TFDP1: variants seen among roughly 807,000 people sequenced by gnomAD.
TFDP1 encodes DRTF1-polypeptide 1.
In TFDP1, 6 loss-of-function variants were observed where a neutral mutation model predicts 48.0. That is an observed-to-expected ratio of 0.13 (90% CI 0.07 to 0.25). TFDP1 has a LOEUF of 0.25. Among genes scored for constraint, TFDP1 ranks in the 10% least tolerant of loss-of-function variants. The pLI, the probability that TFDP1 is intolerant of heterozygous loss-of-function variation, is 1.00. For missense variants in TFDP1, 335 were observed against 543.0 expected (o/e 0.62, Z 3.81); for synonymous variants, 201 against 211.6 (o/e 0.95, Z 0.44).
chr13:113,626,480 C>T (rs4150759), intron 4 of TFDP1, among the ~76,000 whole-genome samples: 10,234 of 152,114 alleles, frequency 0.067, 940 homozygotes, highest in African/African-American at 0.21. Context: ...TTGCCTTCCC[C>T]GCGCTCCCTT....
Position 113,633,210 on chromosome 13 carries a change from T to A in TFDP1, c.399T>A (p.Thr133=). The change falls in exon 6 of 12, where the codon ACT becomes ACA. Residue 133 remains threonine, a synonymous_variant. Coordinates refer to ENST00000375370, the MANE Select transcript of TFDP1 (RefSeq NM_007111.5). This position sits in a 1 kb window ranked among gnomAD's most constrained non-coding sequence, Gnocchi z 4.5. ...AGAAGGTGCAGAGGAAAGGGACCAC[T>A]TCCTACAACGAAGTGGCAGACGAGC... ...VCEKVQRKGT[T]SYNEVADELV... is the part of the protein sequence containing the mutation. 2 of 1,613,874 alleles carry A rather than the reference T, an allele frequency of 1.2e-6. No homozygotes were observed. The highest frequency in any genetic ancestry group is 1.7e-6 in the Non-Finnish European group (2 of 1,179,916).
intron 4 of TFDP1, among the ~76,000 whole-genome samples, chr13:113,631,299 G>A (rs187038584): frequency 2.6e-5 from 4 of 152,190 alleles, no homozygotes; most frequent in African/African-American, 9.7e-5. Context: ...GACCGTTAGC[G>A]CCTTGTGTGC....
chr13:113,619,428 G>T (rs1173046596), intron 3 of TFDP1, among the ~76,000 whole-genome samples: 3 of 146,782 alleles, frequency 2.0e-5, no homozygotes, highest in Non-Finnish European at 3.0e-5. Context: ...CCGAGATCAT[G>T]TCACTGCCCT....
Position 113,590,620 on chromosome 13 carries a change from G to C in TFDP1, c.12+4771G>C, listed in dbSNP as rs193171033. ...AAGTGTTGAAGAAATCTATGATGAC[G>C]TGCTTGTTTTTACAAGAGTCTTTTC... On this transcript the variant is annotated intron_variant, in intron 2 of 11. Transcript: ENST00000375370. Among the ~76,000 whole-genome samples, 6 of 152,256 alleles carry C rather than the reference G, an allele frequency of 3.9e-5. No individual in the cohort carries two copies. The East Asian group carries it at 9.6e-4, about 24-fold the overall frequency.
intron 2 of TFDP1, among the ~76,000 whole-genome samples, chr13:113,602,497 C>G (rs992597282): frequency 1.2e-4 from 19 of 152,136 alleles, no homozygotes; most frequent in African/African-American, 4.6e-4. Context: ...CCCCAGGTCT[C>G]TTCATTCATT....
At chr13:113,587,732 C>T (rs188846054) in intron 2 of TFDP1, among the ~76,000 whole-genome samples, 36 of 152,214 alleles carry the variant, frequency 2.4e-4, no homozygotes, top group Non-Finnish European at 3.4e-4. Context: ...ACAATCCACC[C>T]GCCTTACAGG....
At position 113,631,747 on chromosome 13, in the gene TFDP1, G is replaced by A; in HGVS notation, c.308+3G>A. 2.5e-6 allele frequency: 4 copies of A among 1,613,998 alleles called. No homozygotes were observed. The highest frequency in any genetic ancestry group is 3.4e-6 in the Non-Finnish European group (4 of 1,179,938). On this transcript the variant is annotated splice_donor_region_variant and intron_variant, in intron 5 of 11. Coordinates refer to ENST00000375370, the MANE Select transcript of TFDP1 (RefSeq NM_007111.5). ...GACTCCTCACCTTGGTCTGCCGGGT[G>A]AGCACTTCCCTCTGGACCCTTAGAG...
intron 3 of TFDP1, among the ~76,000 whole-genome samples, chr13:113,616,426 G>A (rs894873938): frequency 3.3e-5 from 5 of 152,120 alleles, no homozygotes; most frequent in Non-Finnish European, 7.3e-5. Flanking sequence ...GTAAATCCGT[G>A]GAGAGCGCTC....
At chr13:113,631,207 G>A (rs757619217) in intron 4 of TFDP1, among the ~76,000 whole-genome samples, 11 of 152,228 alleles carry the variant, frequency 7.2e-5, no homozygotes, top group Non-Finnish European at 1.3e-4. Context: ...ATCACTAAAA[G>A]GAAGTAAAAG....
At chr13:113,599,320 A>T (rs1476784038) in intron 2 of TFDP1, among the ~76,000 whole-genome samples, 6 of 152,186 alleles carry the variant, frequency 3.9e-5, no homozygotes, top group Non-Finnish European at 5.9e-5. Flanking sequence ...GTGATCATTA[A>T]GTAGTTATTA....
intron 8 of TFDP1, among the ~76,000 whole-genome samples, chr13:113,634,803 ATGTG>A (rs142657527): frequency 1.3e-5 from 2 of 150,854 alleles, no homozygotes; most frequent in African/African-American, 2.4e-5. Flanking sequence ...GTGTGCATGC[ATGTG>A]TGTGTGCGTG....
chr13:113,630,538 C>G (rs1000236497), intron 4 of TFDP1, among the ~76,000 whole-genome samples: 18 of 152,152 alleles, frequency 1.2e-4, no homozygotes, highest in African/African-American at 3.9e-4. Flanking sequence ...ATGAAGCCCC[C>G]CCGCCAGCAT....
chr13:113,611,494 G>A (rs111278724), intron 3 of TFDP1, among the ~76,000 whole-genome samples: 9 of 152,328 alleles, frequency 5.9e-5, no homozygotes, highest in African/African-American at 1.2e-4. Context: ...TTAACGCTTC[G>A]CGTGTGTATT....
In TFDP1 at chr13:113,613,110, G is replaced by A. The variant is rs145766263; in HGVS notation, c.79+2048G>A. Among the ~76,000 whole-genome samples the A allele has an allele frequency of 3.1e-3, 466 of 152,282 alleles. 1 individual carries two copies. Among genetic ancestry groups the A allele is most frequent in the African/African-American group, 0.011 (439 of 41,562 alleles). ...CGGCTCACTGCAACCTCTGCCTCCCGGATTCAAGCGATTCTCCTGCCTCAG... is the reference window on the plus strand; with the variant it reads ...CGGCTCACTGCAACCTCTGCCTCCCAGATTCAAGCGATTCTCCTGCCTCAG... On this transcript the variant is annotated intron_variant, in intron 3 of 11. Transcript: ENST00000375370.
At chr13:113,624,993 C>T (rs4991744) in intron 4 of TFDP1, among the ~76,000 whole-genome samples, 34,003 of 104,070 alleles carry the variant, frequency 0.33, 5,406 homozygotes, top group African/African-American at 0.46. Flanking sequence ...TCAGGTGTCT[C>T]TCACGTGTCC....
chr13:113,605,697 C>A (rs543473574), intron 2 of TFDP1, among the ~76,000 whole-genome samples: 1 of 152,374 alleles, frequency 6.6e-6, no homozygotes, highest in East Asian at 1.9e-4. Context: ...ACCGTGGCAC[C>A]AGCTTTCGCC....
rs1358402216 is a variant in TFDP1 at position 113,627,955 on chromosome 13, G to A, written c.187-3668G>A. Among the ~76,000 whole-genome samples, 1 of 152,226 alleles carries A rather than the reference G, an allele frequency of 6.6e-6. No homozygotes were observed. Among genetic ancestry groups the A allele is most frequent in the Non-Finnish European group, 1.5e-5 (1 of 68,040 alleles). On this transcript the variant is annotated intron_variant, in intron 4 of 11. Transcript: ENST00000375370. The surrounding 1 kb of genome is among the most constrained non-coding windows in gnomAD (Gnocchi z 4.1). ...GAGGAGGGGAGCTCCTGGGGGAGGA[G>A]GGTTGGTCTCGGGCAAGGTGGACCT...
chr13:113,628,079 C>T lies in TFDP1; in HGVS notation c.187-3544C>T, dbSNP rs550710508. Among the ~76,000 whole-genome samples, 5 of 152,318 alleles carry T rather than the reference C, an allele frequency of 3.3e-5. 1 individual carries two copies. In the East Asian group the frequency reaches 9.6e-4, roughly 29 times the overall value. ...AAGCTTTAGAGTCGAAAGACTGTGT[C>T]TGAAGCCGTGTAAAGACTGTCTGGA... is the stretch of plus-strand genomic sequence containing the variant. On this transcript the variant is annotated intron_variant, in intron 4 of 11. Transcript: ENST00000375370.
intron 2 of TFDP1, among the ~76,000 whole-genome samples, chr13:113,595,069 T>G (rs1386204233): frequency 3.3e-5 from 5 of 152,222 alleles, no homozygotes; most frequent in African/African-American, 1.2e-4. Flanking sequence ...CTCTGGTCAG[T>G]TATTTTTTTC....
Sources: gnomAD v4.1 joint callset for allele counts (sites outside exome capture counted in the v4.1 genomes callset) on GRCh38, gnomAD v4.1.1 for gene constraint, Gnocchi (gnomAD v3.1) non-coding constraint, MANE v1.5 for transcripts, NCBI Gene and HGNC (gene_info 2026-07-23, HGNC 2026-07-21) for gene names.